KLF17: variants seen among roughly 807,000 people sequenced by gnomAD.
KLF17 encodes the protein KLF transcription factor 17.
In KLF17, 31 loss-of-function variants were observed where a neutral mutation model predicts 34.2. The observed-to-expected ratio is 0.91, with a 90% CI of 0.68 to 1.22. KLF17 has a LOEUF of 1.22. Ranked by LOEUF, KLF17 falls within the 50% of genes most tolerant of loss-of-function variation. The probability of loss-of-function intolerance (pLI) is 0.00; values close to 1 mark genes in which losing one functional copy is unlikely to be tolerated. For synonymous variants in KLF17, 179 were observed against 186.7 expected (o/e 0.96, Z 0.34); for missense variants, 478 against 505.2 (o/e 0.95, Z 0.52).
upstream of KLF17, chr1:44,113,903 A>G (rs951486196): frequency 6.6e-6 from 1 of 152,398 alleles, no homozygotes; most frequent in African/African-American, 2.4e-5. Flanking sequence ...GGAGCCCAGA[A>G]TGACAAGGGT....
chr1:44,070,709 T>A, the KLF17 span, among the ~76,000 whole-genome samples: 4 of 140,274 alleles, frequency 2.9e-5, no homozygotes, highest in Admixed American at 7.7e-5. Flanking sequence ...GCCTCCCACC[T>A]CCCTTGTCTT....
the KLF17 span, chr1:44,104,672 A>G: frequency 2.2e-3 from 1,018 of 452,816 alleles, 2 homozygotes; most frequent in Non-Finnish European, 3.7e-3. Flanking sequence ...CTAAGAGCTG[A>G]TGCAGGCACT....
In KLF17 at chr1:44,126,958, C is replaced by T. The variant is rs142374867; in HGVS notation, c.82-2395C>T. Among the ~76,000 whole-genome samples, 1,303 of 151,982 alleles carry T rather than the reference C, an allele frequency of 8.6e-3. 11 individuals are homozygous for T. Among genetic ancestry groups the T allele is most frequent in the Middle Eastern group, 0.014 (4 of 292 alleles). On this transcript the variant is annotated intron_variant, in intron 1 of 3. Coordinates refer to ENST00000372299, the MANE Select transcript of KLF17 (RefSeq NM_173484.4). ...TCACCCAGGCTGGACAGCAGTGATGCGATCACAGCTCGCTGCAGCTTCGAC... is the reference window on the plus strand; with the variant it reads ...TCACCCAGGCTGGACAGCAGTGATGTGATCACAGCTCGCTGCAGCTTCGAC...
the KLF17 span, among the ~76,000 whole-genome samples, chr1:44,110,025 G>GC: frequency 6.7e-6 from 1 of 149,668 alleles, no homozygotes; most frequent in Non-Finnish European, 1.5e-5. Context: ...TCCTGCTTCA[G>GC]CCTCTTCAGT....
chr1:44,090,611 C>T, the KLF17 span, among the ~76,000 whole-genome samples: 4 of 151,944 alleles, frequency 2.6e-5, no homozygotes, highest in Admixed American at 1.3e-4. Flanking sequence ...AGAGAAAGTC[C>T]GCCCTAAGAG....
At chr1:44,121,615 T>C (rs1265856152) in intron 1 of KLF17, among the ~76,000 whole-genome samples, 1 of 152,228 alleles carries the variant, frequency 6.6e-6, no homozygotes, top group Non-Finnish European at 1.5e-5. Flanking sequence ...ATGCTAACTT[T>C]TGTCTTATAG....
chr1:44,110,943 C>T, the KLF17 span, among the ~76,000 whole-genome samples: 4 of 151,614 alleles, frequency 2.6e-5, no homozygotes, highest in Admixed American at 6.6e-5. Flanking sequence ...GGCAACAAAG[C>T]GAAACCCCAT....
At chr1:44,087,370 C>T in the KLF17 span, among the ~76,000 whole-genome samples, 1 of 151,922 alleles carries the variant, frequency 6.6e-6, no homozygotes. Context: ...ATCCTCCTAC[C>T]TCAGCCTCCC....
chr1:44,097,685 T>A, the KLF17 span, among the ~76,000 whole-genome samples: 1 of 152,204 alleles, frequency 6.6e-6, no homozygotes, highest in Non-Finnish European at 1.5e-5. Flanking sequence ...GTTTTCCTTG[T>A]CTTGTTCCAG....
the KLF17 span, among the ~76,000 whole-genome samples, chr1:44,044,328 A>G: frequency 6.6e-6 from 1 of 152,228 alleles, no homozygotes; most frequent in South Asian, 2.1e-4. Flanking sequence ...CACAGGGTCC[A>G]GGTGGCAATG....
chr1:44,102,733 C>CA, the KLF17 span, among the ~76,000 whole-genome samples: 34 of 152,124 alleles, frequency 2.2e-4, no homozygotes, highest in South Asian at 4.4e-3. Flanking sequence ...TCGATTGTAA[C>CA]AAATGCACCA....
chr1:44,077,584 G>T, the KLF17 span, among the ~76,000 whole-genome samples: 12 of 152,114 alleles, frequency 7.9e-5, no homozygotes, highest in African/African-American at 2.2e-4. Flanking sequence ...AGTGGCTGAG[G>T]GGTAAAATTA....
the KLF17 span, among the ~76,000 whole-genome samples, chr1:44,064,937 A>G: frequency 6.6e-6 from 1 of 152,242 alleles, no homozygotes; most frequent in African/African-American, 2.4e-5. Flanking sequence ...TGCAATTTTA[A>G]TGAGAAAGTG....
At position 44,126,698 on chromosome 1, in the gene KLF17, C is replaced by T. The variant is rs2088011689; in HGVS notation, c.82-2655C>T. The stretch of plus-strand genomic sequence containing the variant: ...CAGTCTCCCTTAAACCTTCCTTTTC[C>T]CAGTCTTGGAGTCAGGAAATTCTTG... On this transcript the variant is annotated intron_variant, in intron 1 of 3. Coordinates refer to ENST00000372299, the MANE Select transcript of KLF17 (RefSeq NM_173484.4). Among the ~76,000 whole-genome samples, 3 of 152,040 alleles carry T rather than the reference C, an allele frequency of 2.0e-5. No homozygotes were observed. In the South Asian group the frequency reaches 6.2e-4, roughly 32 times the overall value.
the KLF17 span, among the ~76,000 whole-genome samples, chr1:44,108,818 AC>A: frequency 2.0e-5 from 3 of 151,750 alleles, no homozygotes; most frequent in Non-Finnish European, 4.4e-5. Flanking sequence ...GGTGCATACC[AC>A]CATACCCTGC....
chr1:44,066,578 G>T, the KLF17 span, among the ~76,000 whole-genome samples: 1 of 151,972 alleles, frequency 6.6e-6, no homozygotes, highest in South Asian at 2.1e-4. Context: ...TTAATGGTTG[G>T]TGTATAAATT....
At chr1:44,060,157 G>A in the KLF17 span, among the ~76,000 whole-genome samples, 1 of 152,046 alleles carries the variant, frequency 6.6e-6, no homozygotes, top group East Asian at 1.9e-4. Flanking sequence ...TCCTTTAGGA[G>A]CAGCCTTCTG....
At chr1:44,086,024 T>C in the KLF17 span, among the ~76,000 whole-genome samples, 168 of 152,244 alleles carry the variant, frequency 1.1e-3, no homozygotes, top group African/African-American at 3.5e-3. Context: ...CAAATGCTGC[T>C]GGTCTTCCAG....
the KLF17 span, among the ~76,000 whole-genome samples, chr1:44,093,989 G>T: frequency 1.3e-5 from 2 of 152,232 alleles, no homozygotes; most frequent in Non-Finnish European, 2.9e-5. Context: ...TGGACAACCT[G>T]AGTCTGAACT....
Sources: allele counts gnomAD v4.1 joint callset (sites outside exome capture counted in the v4.1 genomes callset), GRCh38; gene constraint gnomAD v4.1.1; transcripts MANE v1.5; gene names NCBI Gene and HGNC (gene_info 2026-07-23, HGNC 2026-07-21).